PDE11A: variants seen among roughly 807,000 people sequenced by gnomAD.
PDE11A encodes dual 3',5'-cyclic-AMP and -GMP phosphodiesterase 11A.
A neutral mutation model predicts 100.5 loss-of-function variants in PDE11A; 100 were observed. That is an observed-to-expected ratio of 1.00 (90% confidence interval 0.85 to 1.18). PDE11A has a LOEUF of 1.18. PDE11A is among the 50% of genes most tolerant of loss of function. PDE11A has a pLI of 0.00. For missense variants in PDE11A, 1,141 were observed against 1,152.6 expected, an observed-to-expected ratio of 0.99 and a Z score of 0.15; for synonymous variants, 381 against 420.8, an observed-to-expected ratio of 0.91 and a Z score of 1.16.
intron 1 of PDE11A, among the ~76,000 whole-genome samples, chr2:178,069,932 G>A (rs2087103260): frequency 6.6e-6 from 1 of 152,098 alleles, no homozygotes; most frequent in African/African-American, 2.4e-5. Context: ...TGCAACCCTA[G>A]GCTGGAATAA....
At chr2:178,105,817 C>T (rs1471196175) in intron 1 of PDE11A, 1 of 645,190 alleles carries the variant, frequency 1.5e-6, no homozygotes, top group East Asian at 4.3e-5. Flanking sequence ...CCAACTGGGA[C>T]CTTGGCCAGA....
At chr2:177,641,853 A>G (rs1244665713) in intron 19 of PDE11A, among the ~76,000 whole-genome samples, 1 of 152,232 alleles carries the variant, frequency 6.6e-6, no homozygotes, top group Non-Finnish European at 1.5e-5. Context: ...TATGTAGGTT[A>G]CACATGTAAC....
rs73030315 is a variant in PDE11A at position 177,735,585 on chromosome 2, T to A, written c.1789-7413A>T. ...ACAGCACTACAGAGTAGAGTTCCAA[T>A]CTCCCCTGAAGATGGTGCAATACCA... On this transcript the variant is annotated intron_variant, in intron 10 of 19. Transcript: ENST00000286063. 8.0e-3 allele frequency among the ~76,000 whole-genome samples: 1,224 copies of A among 152,140 alleles called. 17 individuals carry two copies. Among genetic ancestry groups the A allele is most frequent in the African/African-American group, 0.028 (1,151 of 41,488 alleles).
At chr2:177,782,870 A>G (rs549426986) in intron 9 of PDE11A, among the ~76,000 whole-genome samples, 2 of 142,976 alleles carry the variant, frequency 1.4e-5, no homozygotes, top group African/African-American at 5.2e-5. Context: ...TTCTTTCTCT[A>G]TCTCTCCCCT....
At chr2:178,092,786 G>C (rs1392341230) in intron 2 of PDE11A, 1 of 152,164 alleles carries the variant, frequency 6.6e-6, no homozygotes, top group Non-Finnish European at 1.5e-5. Flanking sequence ...ATTTTTAGTA[G>C]AGATGGGGTT....
intron 10 of PDE11A, among the ~76,000 whole-genome samples, chr2:177,761,235 T>C (rs2082165883): frequency 2.6e-5 from 4 of 152,120 alleles, no homozygotes; most frequent in Admixed American, 2.0e-4. Context: ...AACGAATCCC[T>C]TTATTTTCAT....
At chr2:177,636,331 T>C (rs2080037971) in intron 19 of PDE11A, among the ~76,000 whole-genome samples, 1 of 152,188 alleles carries the variant, frequency 6.6e-6, no homozygotes, top group South Asian at 2.1e-4. Flanking sequence ...CATAATCATG[T>C]TGTCCAGAAG....
At position 177,970,809 on chromosome 2, in the gene PDE11A, G is replaced by A. The variant is rs1527292; in HGVS notation, c.1071+43493C>T. On this transcript the variant is annotated intron_variant, in intron 2 of 19. Transcript: ENST00000286063. ...AAAGAAGGTAAAAGAAGTGAATCAC[G>A]GGAGGTACAACAGGGGAAGACTAAG... 7.0e-3 allele frequency among the ~76,000 whole-genome samples: 1,060 copies of A among 152,234 alleles called. 11 individuals are homozygous for A. Among genetic ancestry groups the A allele is most frequent in the African/African-American group, 0.02 (823 of 41,538 alleles).
intron 13 of PDE11A, among the ~76,000 whole-genome samples, chr2:177,703,100 G>T (rs752698933): frequency 6.6e-6 from 1 of 152,046 alleles, no homozygotes; most frequent in Non-Finnish European, 1.5e-5. Flanking sequence ...AAAAATATTG[G>T]TTGCTTGTCT....
Position 177,813,140 on chromosome 2 carries a change from C to T in PDE11A, c.1737+3689G>A, listed in dbSNP as rs149931503. On this transcript the variant is annotated intron_variant, in intron 9 of 19. Transcript: ENST00000286063. Reference sequence around the variant, plus strand: ...CTGCTGCTGGCTTATCCCTTTTAAACACCCTGCTCTGCCTCATCTTTCAGC... The same window carrying T: ...CTGCTGCTGGCTTATCCCTTTTAAATACCCTGCTCTGCCTCATCTTTCAGC... Among the ~76,000 whole-genome samples, 313 of 115,396 alleles carry T rather than the reference C, an allele frequency of 2.7e-3. 1 individual carries two copies. The highest frequency in any genetic ancestry group is 1.2e-3 in the Non-Finnish European group (67 of 55,028). The allele number at this position is 115,396 out of a possible 152,430, so 75.7% of individuals were successfully genotyped here. A position where few individuals can be genotyped will look rare whatever the true frequency, so the allele number is the denominator to read the frequency against.
intron 19 of PDE11A, among the ~76,000 whole-genome samples, chr2:177,636,374 C>CCCTCTTTGATTTTACT (rs2080038892): frequency 1.3e-5 from 2 of 152,162 alleles, no homozygotes; most frequent in Admixed American, 1.3e-4. Flanking sequence ...GAAAGAAACT[C>CCCTCTTTGATTTTACT]CCCAAATGGT....
chr2:177,956,443 C>T (rs1250858490), intron 2 of PDE11A, among the ~76,000 whole-genome samples: 3 of 152,182 alleles, frequency 2.0e-5, no homozygotes, highest in Non-Finnish European at 2.9e-5. Context: ...GAAATAGGAA[C>T]ATTTTTACAC....
At position 177,819,860 on chromosome 2, in the gene PDE11A, T is replaced by TTCTCTTTCTCTCTCTCTCTCTCTC. The variant is rs60572849; in HGVS notation, c.1576+359_1576+360insGAGAGAGAGAGAGAGAGAAAGAGA. On this transcript the variant is annotated intron_variant, in intron 7 of 19. Coordinates refer to ENST00000286063, the MANE Select transcript of PDE11A (RefSeq NM_016953.4). ...CTTGAAGTCATTTCTCTTTCTCTCT[T>TTCTCTTTCTCTCTCTCTCTCTCTC]TCTCTCTTTCTCTCTCTCTCTCTCT... is the stretch of plus-strand genomic sequence containing the variant. Among the ~76,000 whole-genome samples, 262 of 102,114 alleles carry TTCTCTTTCTCTCTCTCTCTCTCTC rather than the reference T, an allele frequency of 2.6e-3. 6 individuals carry two copies. Among genetic ancestry groups the TTCTCTTTCTCTCTCTCTCTCTCTC allele is most frequent in the Non-Finnish European group, 2.7e-3 (134 of 50,276 alleles). The allele number at this position is 102,114 out of a possible 152,430, so 67.0% of individuals were successfully genotyped here.
At chr2:177,844,677 A>G (rs1375916304) in intron 5 of PDE11A, among the ~76,000 whole-genome samples, 1 of 151,334 alleles carries the variant, frequency 6.6e-6, no homozygotes, top group East Asian at 1.9e-4. Context: ...TAGGCAGAGG[A>G]CCCTGCGGCC....
intron 1 of PDE11A, among the ~76,000 whole-genome samples, chr2:178,055,480 T>G (rs2086888620): frequency 6.6e-6 from 1 of 152,076 alleles, no homozygotes; most frequent in Non-Finnish European, 1.5e-5. Context: ...ACATGTACCC[T>G]AGAACTTAAA....
chr2:177,665,717 T>A (rs1444870812), intron 18 of PDE11A, among the ~76,000 whole-genome samples: 1 of 150,998 alleles, frequency 6.6e-6, no homozygotes, highest in East Asian at 2.0e-4. Context: ...ATTAGCTGGG[T>A]GTGGTGGTGG....
At chr2:178,033,719 A>G (rs1367690220) in intron 1 of PDE11A, among the ~76,000 whole-genome samples, 1 of 152,190 alleles carries the variant, frequency 6.6e-6, no homozygotes, top group East Asian at 1.9e-4. Flanking sequence ...AAACCCTACA[A>G]GCCAGAAGAG....
At chr2:177,915,565 G>T (rs1374661629) in intron 2 of PDE11A, among the ~76,000 whole-genome samples, 1 of 152,062 alleles carries the variant, frequency 6.6e-6, no homozygotes, top group Non-Finnish European at 1.5e-5. Flanking sequence ...CCATTAACTG[G>T]ATATACCCAT....
At chr2:177,700,243 A>C (rs2081176729) in intron 14 of PDE11A, among the ~76,000 whole-genome samples, 1 of 152,170 alleles carries the variant, frequency 6.6e-6, no homozygotes, top group Non-Finnish European at 1.5e-5. Flanking sequence ...ATATTGCAAA[A>C]GACATGCTTT....
Sources: allele counts gnomAD v4.1 joint callset (sites outside exome capture counted in the v4.1 genomes callset), GRCh38; gene constraint gnomAD v4.1.1; transcripts MANE v1.5; gene names NCBI Gene and HGNC (gene_info 2026-07-23, HGNC 2026-07-21).